PPP3CC: variants seen among roughly 807,000 people sequenced by gnomAD.
PPP3CC encodes the protein protein phosphatase 3 catalytic subunit gamma, also known as serine/threonine-protein phosphatase 2B catalytic subunit gamma isoform.
Under a neutral mutation model 60.3 loss-of-function variants are expected in PPP3CC, and 35 were observed. The ratio of observed to expected loss-of-function variants is 0.58; its 90% confidence interval spans 0.44 to 0.77. PPP3CC has a LOEUF of 0.77. Among genes scored for constraint, PPP3CC ranks in the 30% least tolerant of loss-of-function variants. The pLI, the probability that PPP3CC is intolerant of heterozygous loss-of-function variation, is 0.00. For synonymous variants in PPP3CC, 206 were observed against 224.3 expected, an observed-to-expected ratio of 0.92 and a Z score of 0.73; for missense variants, 570 against 628.9, an observed-to-expected ratio of 0.91 and a Z score of 1.00.
intron 3 of PPP3CC, among the ~76,000 whole-genome samples, chr8:22,477,057 C>T (rs985595576): frequency 9.2e-5 from 14 of 152,076 alleles, no homozygotes; most frequent in Non-Finnish European, 1.3e-4. Flanking sequence ...CCTTCTGCTC[C>T]GTAAATGTCC....
intron 4 of PPP3CC, among the ~76,000 whole-genome samples, chr8:22,502,812 A>G (rs1838800424): frequency 6.6e-6 from 1 of 152,190 alleles, no homozygotes; most frequent in African/African-American, 2.4e-5. Context: ...AAAATATATA[A>G]TGTACAGAAG....
At chr8:22,463,544 G>C (rs1296220581) in intron 1 of PPP3CC, among the ~76,000 whole-genome samples, 1 of 152,158 alleles carries the variant, frequency 6.6e-6, no homozygotes, top group East Asian at 1.9e-4. Flanking sequence ...AGCATTATCA[G>C]AATGGAAGGG....
At chr8:22,447,175 A>ATTTTTTTT (rs1161858120) in intron 1 of PPP3CC, among the ~76,000 whole-genome samples, 1 of 116,292 alleles carries the variant, frequency 8.6e-6, no homozygotes, top group Non-Finnish European at 1.8e-5. Flanking sequence ...TGTCCAACTA[A>ATTTTTTTT]TTTTTTTTTT....
At chr8:22,458,790 C>T (rs1486160655) in intron 1 of PPP3CC, among the ~76,000 whole-genome samples, 4 of 151,856 alleles carry the variant, frequency 2.6e-5, no homozygotes, top group Admixed American at 1.3e-4. Context: ...CTGGATAATT[C>T]GATTTGAATT....
At chr8:22,471,045 A>G (rs2132461851) in intron 1 of PPP3CC, among the ~76,000 whole-genome samples, 1 of 152,312 alleles carries the variant, frequency 6.6e-6, no homozygotes, top group African/African-American at 2.4e-5. Flanking sequence ...CTTAGCATGT[A>G]GCTACCTGTG....
chr8:22,445,993 T>G (rs536564525), intron 1 of PPP3CC, among the ~76,000 whole-genome samples: 2 of 152,326 alleles, frequency 1.3e-5, no homozygotes, highest in East Asian at 3.9e-4. Context: ...TACCTATACG[T>G]TATTGGTTGT....
chr8:22,486,686 C>A (rs1343169759), intron 3 of PPP3CC, among the ~76,000 whole-genome samples: 1 of 151,450 alleles, frequency 6.6e-6, no homozygotes, highest in Non-Finnish European at 1.5e-5. Flanking sequence ...AACTAGTACA[C>A]CAAACCTGGA....
intron 3 of PPP3CC, among the ~76,000 whole-genome samples, chr8:22,484,009 T>G (rs1753217403): frequency 7.9e-6 from 1 of 126,120 alleles, no homozygotes; most frequent in Non-Finnish European, 1.7e-5. Flanking sequence ...ACTTGGCTAA[T>G]TTTTTTTTTT....
chr8:22,504,543 C>G (rs535282941), intron 4 of PPP3CC, among the ~76,000 whole-genome samples: 1 of 152,262 alleles, frequency 6.6e-6, no homozygotes, highest in Admixed American at 6.5e-5. Flanking sequence ...AAGGATCCTT[C>G]CGCCTTAGCC....
chr8:22,459,455 A>ATG (rs56870564), intron 1 of PPP3CC, among the ~76,000 whole-genome samples: 3,573 of 150,240 alleles, frequency 0.024, 41 homozygotes, highest in Non-Finnish European at 0.032. Flanking sequence ...TCACTTTGTT[A>ATG]TGTGTGTGTG....
chr8:22,457,129 A>G (rs1235806122), intron 1 of PPP3CC, among the ~76,000 whole-genome samples: 6 of 146,106 alleles, frequency 4.1e-5, no homozygotes, highest in Non-Finnish European at 3.0e-5. Flanking sequence ...CTCTCTCAAT[A>G]TTCTGTAATA....
At chr8:22,533,749 C>T (rs551758661) in intron 12 of PPP3CC, among the ~76,000 whole-genome samples, 31 of 152,094 alleles carry the variant, frequency 2.0e-4, no homozygotes, top group Admixed American at 5.9e-4. Flanking sequence ...TGCTTGAATC[C>T]GGGAGGCGGA....
intron 1 of PPP3CC, among the ~76,000 whole-genome samples, chr8:22,458,372 C>T (rs537517608): frequency 4.6e-5 from 7 of 151,898 alleles, no homozygotes; most frequent in East Asian, 1.9e-4. Flanking sequence ...CCGAGGCAGG[C>T]GGATTGCTTG....
At chr8:22,496,483 A>ATTTT (rs1563741124) in intron 3 of PPP3CC, among the ~76,000 whole-genome samples, 1 of 77,054 alleles carries the variant, frequency 1.3e-5, no homozygotes, top group Non-Finnish European at 2.6e-5. Context: ...GAGAACTGTA[A>ATTTT]TCTTTTTTTT....
intron 3 of PPP3CC, among the ~76,000 whole-genome samples, chr8:22,480,200 G>A (rs943340433): frequency 2.0e-5 from 3 of 152,114 alleles, no homozygotes; most frequent in Admixed American, 2.0e-4. Context: ...AAGGAATTTT[G>A]TTATTTCTAT....
chr8:22,477,779 T>C (rs1467157090), intron 3 of PPP3CC, among the ~76,000 whole-genome samples: 1 of 152,164 alleles, frequency 6.6e-6, no homozygotes, highest in Non-Finnish European at 1.5e-5. Flanking sequence ...TATGGAACTA[T>C]AGATGCACAC....
At chr8:22,473,090 G>C (rs1481794371) in intron 1 of PPP3CC, among the ~76,000 whole-genome samples, 1 of 152,136 alleles carries the variant, frequency 6.6e-6, no homozygotes, top group Non-Finnish European at 1.5e-5. Context: ...AAAGCATGAC[G>C]AAACTTATAA....
chr8:22,475,023 A>G lies in PPP3CC; in HGVS notation c.119A>G (p.Asp40Gly). The stretch of plus-strand genomic sequence containing the variant: ...TTTGAGAATGGGAAACCTAAAGTTG[A>G]TGTTTTAAAAAACCATTTGGTAAAG... ...EVFENGKPKVDVLKNHLVKEG... is the reference protein window; with the variant it reads ...EVFENGKPKVGVLKNHLVKEG... The change falls in exon 2 of 14, where the codon GAT becomes GGT. Residue 40 changes from aspartate to glycine, a missense_variant. Coordinates refer to ENST00000240139, the MANE Select transcript of PPP3CC (RefSeq NM_005605.5). 3 of 1,613,000 alleles carry G rather than the reference A, an allele frequency of 1.9e-6. No homozygotes were observed. Among genetic ancestry groups the G allele is most frequent in the Non-Finnish European group, 2.5e-6 (3 of 1,179,260 alleles).
At chr8:22,526,026 C>G (rs1197988798) in intron 8 of PPP3CC, among the ~76,000 whole-genome samples, 1 of 150,912 alleles carries the variant, frequency 6.6e-6, no homozygotes, top group Non-Finnish European at 1.5e-5. Context: ...CGTCGCCACG[C>G]CTGGCTAATT....
Sources: allele counts gnomAD v4.1 joint callset (sites outside exome capture counted in the v4.1 genomes callset), GRCh38; gene constraint gnomAD v4.1.1; transcripts MANE v1.5; gene names NCBI Gene and HGNC (gene_info 2026-07-23, HGNC 2026-07-21).